The following ABCB10 variants were observed in gnomAD, a reference collection of about 807,000 sequenced individuals.
The protein encoded by ABCB10 is ATP binding cassette subfamily B member 10.
ABCB10 carries 54 observed loss-of-function variants against 65.4 expected under a neutral mutation model. That is an observed-to-expected ratio of 0.83 (90% confidence interval 0.66 to 1.04). The LOEUF (loss-of-function observed/expected upper bound fraction) is 1.04, where lower values mean the gene tolerates loss of function less well. Among genes scored for constraint, ABCB10 ranks in the 50% least tolerant of loss-of-function variants. The pLI is 0.00. For synonymous variants in ABCB10, 418 were observed against 406.5 expected, an observed-to-expected ratio of 1.03 and a Z score of -0.34; for missense variants, 846 against 976.6, an observed-to-expected ratio of 0.87 and a Z score of 1.78.
chr1:229,545,189 T>C (rs981339529), intron 3 of ABCB10, among the ~76,000 whole-genome samples: 6 of 152,214 alleles, frequency 3.9e-5, no homozygotes, highest in Admixed American at 3.9e-4. Flanking sequence ...TTTCCCAGCT[T>C]GAACTCTTCC....
intron 6 of ABCB10, among the ~76,000 whole-genome samples, chr1:229,533,826 A>T (rs1254883339): frequency 6.6e-6 from 1 of 152,196 alleles, no homozygotes; most frequent in African/African-American, 2.4e-5. Flanking sequence ...AAAACAATAA[A>T]CTCCTAGAAG....
intron 1 of ABCB10, among the ~76,000 whole-genome samples, chr1:229,554,019 G>T (rs1488748312): frequency 1.3e-5 from 2 of 152,214 alleles, no homozygotes; most frequent in African/African-American, 4.8e-5. Context: ...AAGGCCAAGA[G>T]GTTCGCACTG....
chr1:229,527,204 T>A (rs368332976), intron 9 of ABCB10, 25 bp downstream of exon 9: 66 of 1,548,558 alleles, frequency 4.3e-5, no homozygotes, highest in East Asian at 3.4e-4. Context: ...GAAAGTGAAA[T>A]AGAAATGGAA....
rs1231426238 is a variant in ABCB10, at chr1:229,521,575, A to G, written c.1950+17T>C. ...TAATCCCTAATTTAAAAAACATCCA[A>G]GTCGCTTCAGGCTTACCTTTAGCAG... On this transcript the variant is annotated intron_variant, in intron 11 of 12. Transcript: ENST00000344517. The G allele has an allele frequency of 3.8e-6, 6 of 1,585,676 alleles. No individual in the cohort carries two copies. The highest frequency in any genetic ancestry group is 1.4e-5 in the African/African-American group (1 of 73,872).
intron 4 of ABCB10, among the ~76,000 whole-genome samples, chr1:229,541,702 C>T (rs1173687241): frequency 1.3e-5 from 2 of 151,800 alleles, no homozygotes; most frequent in East Asian, 1.9e-4. Flanking sequence ...CACTCCGGGA[C>T]GCCAAGGTGG....
chr1:229,518,923 A>T lies in ABCB10; in HGVS notation c.1951-48T>A, dbSNP rs200070440. ...AAGATAAAATAATTTTATTGGAAAA[A>T]TACAAACTCTCAGCAATAAAAAAGG... On this transcript the variant is annotated intron_variant, in intron 11 of 12. Coordinates refer to ENST00000344517, the MANE Select transcript of ABCB10 (RefSeq NM_012089.3). The T allele has an allele frequency of 3.6e-3, 5,179 of 1,434,654 alleles. 17 individuals are homozygous for T. The highest frequency in any genetic ancestry group is 6.8e-3 in the Middle Eastern group (28 of 4,134). 88.9% of individuals were successfully genotyped at this position (1,434,654 alleles called of 1,614,324 possible). A position where few individuals can be genotyped will look rare whatever the true frequency, so the allele number is the denominator to read the frequency against.
In ABCB10 at chr1:229,526,031, T is replaced by C. The variant is rs759998738; in HGVS notation, c.1811A>G (p.Gln604Arg). 6 of 1,614,228 alleles carry C rather than the reference T, an allele frequency of 3.7e-6. No individual in the cohort carries two copies. The highest frequency in any genetic ancestry group is 5.1e-6 in the Non-Finnish European group (6 of 1,180,030). ...TGCATTGGCCACTTCAGCCACTCTCTGGATTTCCTCAGCGGTCACAGAGGA... is the reference window on the plus strand; with the variant it reads ...TGCATTGGCCACTTCAGCCACTCTCCGGATTTCCTCAGCGGTCACAGAGGA... ...DPSSVTAEEIQRVAEVANAVA... is the reference protein window; with the variant it reads ...DPSSVTAEEIRRVAEVANAVA... The change falls in exon 10 of 13, where the codon CAG becomes CGG. Residue 604 changes from glutamine to arginine, a missense_variant. By Grantham distance (43) the Gln-to-Arg change is conservative. Around this residue, in one of 2 missense-constraint regions of ABCB10, gnomAD observed 632 missense variants for 803.2 expected, o/e 0.79. Transcript: ENST00000344517.
chr1:229,549,190 T>C (rs368404251), intron 2 of ABCB10, 44 bp downstream of exon 2: 45 of 1,607,804 alleles, frequency 2.8e-5, no homozygotes, highest in Admixed American at 2.5e-4. Flanking sequence ...GGACTCTACA[T>C]CTTCTTCAGG....
chr1:229,524,468 C>T (rs1662386033), intron 10 of ABCB10, among the ~76,000 whole-genome samples: 1 of 151,848 alleles, frequency 6.6e-6, no homozygotes, highest in Non-Finnish European at 1.5e-5. Flanking sequence ...CGGCCAGGAA[C>T]TTGTTATCTT....
chr1:229,557,770 T>C lies in ABCB10; in HGVS notation c.517+366A>G, dbSNP rs548151277. 3.9e-5 allele frequency among the ~76,000 whole-genome samples: 6 copies of C among 152,254 alleles called. No individual in the cohort carries two copies. The South Asian group carries it at 1.0e-3, about 26-fold the overall frequency. ...TAAACGCCTAATAACAAAATAGGCA[T>C]ATTTTTGGCTAGAATTTTTTTTTCC... On this transcript the variant is annotated intron_variant, in intron 1 of 12. Transcript: ENST00000344517.
chr1:229,541,664 G>A (rs1662846589), intron 4 of ABCB10, among the ~76,000 whole-genome samples: 1 of 151,528 alleles, frequency 6.6e-6, no homozygotes, highest in Non-Finnish European at 1.5e-5. Context: ...TAGTGGCTAG[G>A]TATGGTGGTT....
chr1:229,525,649 G>A (rs2102685023), intron 10 of ABCB10, among the ~76,000 whole-genome samples: 1 of 152,272 alleles, frequency 6.6e-6, no homozygotes, highest in East Asian at 1.9e-4. Flanking sequence ...GACTATCCTG[G>A]CTAACACGGT....
intron 6 of ABCB10, among the ~76,000 whole-genome samples, chr1:229,535,691 C>T (rs1171521894): frequency 6.6e-6 from 1 of 151,456 alleles, no homozygotes. Context: ...CTAATGTAAA[C>T]TGTGGACTTT....
intron 3 of ABCB10, among the ~76,000 whole-genome samples, chr1:229,546,639 G>A (rs1452192172): frequency 6.6e-6 from 1 of 152,126 alleles, no homozygotes; most frequent in East Asian, 1.9e-4. Flanking sequence ...AGGAGGCCGA[G>A]GCAGGAGGAT....
intron 6 of ABCB10, chr1:229,531,947 G>GTTTTTTT (rs34289048): frequency 6.8e-5 from 9 of 132,764 alleles, no homozygotes; most frequent in South Asian, 2.8e-4. Flanking sequence ...CAGTTTCATA[G>GTTTTTTT]TTTTTTTTTT....
rs1662788394 is a variant in ABCB10, at chr1:229,539,325, GAAT to G, written c.1339+128_1339+130del. ...TTTTACTTCTTTAAAAGCCCAGTTGGAATAATAACATTCTAGGAAATGCTTTTT... is the reference window on the plus strand; with the variant it reads ...TTTTACTTCTTTAAAAGCCCAGTTGGAATAACATTCTAGGAAATGCTTTTT... On this transcript the variant is annotated intron_variant, in intron 6 of 12. Coordinates refer to ENST00000344517, the MANE Select transcript of ABCB10 (RefSeq NM_012089.3). The G allele has an allele frequency of 9.6e-6, 13 of 1,358,784 alleles. No individual in the cohort carries two copies. In the South Asian group the frequency reaches 1.2e-4, roughly 13 times the overall value. The allele number at this position is 1,358,784 out of a possible 1,614,324, so 84.2% of individuals were successfully genotyped here. A position where few individuals can be genotyped will look rare whatever the true frequency, so the allele number is the denominator to read the frequency against.
chr1:229,558,029 C>G (rs1663301552), intron 1 of ABCB10, 107 bp downstream of exon 1: 10 of 1,173,180 alleles, frequency 8.5e-6, no homozygotes, highest in Non-Finnish European at 8.6e-6. Flanking sequence ...GGAGAGGCGG[C>G]GGTGACACGC....
At chr1:229,547,460 C>T (rs1478946981) in intron 3 of ABCB10, 39 bp downstream of exon 3, 5 of 1,609,076 alleles carry the variant, frequency 3.1e-6, no homozygotes, top group Non-Finnish European at 4.2e-6. Flanking sequence ...CAAGCCAAGC[C>T]CTGGCAGGAA....
chr1:229,530,179 C>G lies in ABCB10; in HGVS notation c.1645+20G>C, dbSNP rs745364295. 83 of 1,612,494 alleles carry G rather than the reference C, an allele frequency of 5.1e-5. No individual in the cohort carries two copies. Among genetic ancestry groups the G allele is most frequent in the African/African-American group, 6.7e-5 (5 of 74,878 alleles). On this transcript the variant is annotated intron_variant, in intron 8 of 12. Coordinates refer to ENST00000344517, the MANE Select transcript of ABCB10 (RefSeq NM_012089.3). ...AGCTCGGGAGAGTCCCTCGGTGCTACAGTGTGGTGAACTGCTTACCAGAAG... is the reference window on the plus strand; with the variant it reads ...AGCTCGGGAGAGTCCCTCGGTGCTAGAGTGTGGTGAACTGCTTACCAGAAG...
Sources: gnomAD v4.1 joint callset for allele counts (sites outside exome capture counted in the v4.1 genomes callset) on GRCh38, gnomAD v4.1.1 for gene constraint, gnomAD v4.1.1 regional missense constraint, MANE v1.5 for transcripts, NCBI Gene and HGNC (gene_info 2026-07-23, HGNC 2026-07-21) for gene names.